SPIDR: variants seen among roughly 807,000 people sequenced by gnomAD.
SPIDR encodes DNA repair-scaffolding protein.
Under a neutral mutation model 104.6 loss-of-function variants are expected in SPIDR, and 93 were observed. That is an observed-to-expected ratio of 0.89 (90% CI 0.75 to 1.06). SPIDR has a LOEUF of 1.06. Among genes scored for constraint, SPIDR ranks in the 50% least tolerant of loss-of-function variants. SPIDR has a pLI of 0.00. For missense variants in SPIDR, 1,154 were observed against 1,111.2 expected (o/e 1.04, Z -0.55); for synonymous variants, 431 against 416.9 (o/e 1.03, Z -0.41).
chr8:47,645,817 G>A (rs764563102), intron 10 of SPIDR, among the ~76,000 whole-genome samples: 14 of 152,108 alleles, frequency 9.2e-5, no homozygotes, highest in East Asian at 7.7e-4. Context: ...AAATGAATTC[G>A]ATTTACACTT....
intron 7 of SPIDR, among the ~76,000 whole-genome samples, chr8:47,436,032 T>C (rs1161376983): frequency 1.3e-5 from 2 of 152,334 alleles, no homozygotes; most frequent in Middle Eastern, 3.4e-3. Flanking sequence ...GTAGGGTTGT[T>C]GTGAATCGAG....
chr8:47,608,786 C>T (rs1403439899), intron 10 of SPIDR, among the ~76,000 whole-genome samples: 3 of 152,328 alleles, frequency 2.0e-5, no homozygotes, highest in Non-Finnish European at 2.9e-5. Flanking sequence ...TGCAGTGGCA[C>T]GATCTCAGCT....
In SPIDR at chr8:47,564,269, G is replaced by A. The variant is rs191578872; in HGVS notation, c.1098-31542G>A. Among the ~76,000 whole-genome samples, 292 of 151,634 alleles carry A rather than the reference G, an allele frequency of 1.9e-3. 1 individual carries two copies. Among genetic ancestry groups the A allele is most frequent in the African/African-American group, 6.6e-3 (272 of 41,434 alleles). ...AATTTTTATATTATTAGTAGAGACC[G>A]GGTTTCGCCATATTGGCCAGGATGG... On this transcript the variant is annotated intron_variant, in intron 8 of 19. Transcript: ENST00000297423.
chr8:47,340,551 G>A (rs952953057), intron 5 of SPIDR, among the ~76,000 whole-genome samples: 6 of 152,270 alleles, frequency 3.9e-5, no homozygotes, highest in African/African-American at 1.4e-4. Flanking sequence ...GCAGTGAGCC[G>A]ACATTGCGCC....
intron 10 of SPIDR, among the ~76,000 whole-genome samples, chr8:47,652,339 G>A (rs2071807326): frequency 6.6e-6 from 1 of 152,120 alleles, no homozygotes; most frequent in Admixed American, 6.6e-5. Flanking sequence ...GCTAGGTGGT[G>A]AGCACTGCAA....
intron 1 of SPIDR, chr8:47,277,103 TTTTTAG>T (rs1417313831): frequency 1.3e-5 from 2 of 151,874 alleles, no homozygotes; most frequent in African/African-American, 4.8e-5. Flanking sequence ...TAATTTTGTA[TTTTTAG>T]TAGAGACGGG....
At chr8:47,520,907 G>T (rs995952237) in intron 8 of SPIDR, among the ~76,000 whole-genome samples, 2 of 152,192 alleles carry the variant, frequency 1.3e-5, no homozygotes, top group African/African-American at 4.8e-5. Context: ...CAGGGATATG[G>T]CTCCAGAACT....
intron 5 of SPIDR, among the ~76,000 whole-genome samples, chr8:47,300,873 T>C: frequency 6.6e-6 from 1 of 152,174 alleles, no homozygotes; most frequent in Non-Finnish European, 1.5e-5. Flanking sequence ...TCCAAATATG[T>C]GGTCAATTTG....
intron 8 of SPIDR, among the ~76,000 whole-genome samples, chr8:47,488,691 T>C (rs1554734454): frequency 6.6e-6 from 1 of 152,072 alleles, no homozygotes; most frequent in Non-Finnish European, 1.5e-5. Context: ...GCAAGGCAGG[T>C]TCAACATACG....
At chr8:47,274,640 C>G (rs911345417) in intron 1 of SPIDR, among the ~76,000 whole-genome samples, 1 of 151,020 alleles carries the variant, frequency 6.6e-6, no homozygotes, top group East Asian at 2.0e-4. Flanking sequence ...TCCAGTTGCG[C>G]GATTTTGGCT....
At chr8:47,440,254 A>T in intron 7 of SPIDR, 69 bp from the exon 8 acceptor site, 1 of 1,380,166 alleles carries the variant, frequency 7.2e-7, no homozygotes, top group Admixed American at 1.9e-5. Context: ...TTTTCATGAC[A>T]CTTTATTCAC....
Position 47,393,673 on chromosome 8 carries a change from TTTTCCTTTCCTTTCCTTTCCTTTCC to T in SPIDR, c.526-2665_526-2641del, listed in dbSNP as rs143995416. Among the ~76,000 whole-genome samples, 276 of 102,502 alleles carry T rather than the reference TTTTCCTTTCCTTTCCTTTCCTTTCC, an allele frequency of 2.7e-3. 3 individuals carry two copies. Among genetic ancestry groups the T allele is most frequent in the Middle Eastern group, 0.014 (3 of 218 alleles). The allele number at this position is 102,502 out of a possible 152,430, so 67.2% of individuals were successfully genotyped here. A position where few individuals can be genotyped will look rare whatever the true frequency, so the allele number is the denominator to read the frequency against. On this transcript the variant is annotated intron_variant, in intron 5 of 19. Coordinates refer to ENST00000297423, the MANE Select transcript of SPIDR (RefSeq NM_001080394.4). Reference sequence around the variant, plus strand: ...TTTTCTCTTTTCTTTTCCCTTTCCTTTTTCCTTTCCTTTCCTTTCCTTTCCTTTCCTTTCCTTTCCTTTCCTTTCC... The same window carrying T: ...TTTTCTCTTTTCTTTTCCCTTTCCTTTTTCCTTTCCTTTCCTTTCCTTTCC...
chr8:47,616,939 T>C (rs1409786176), intron 10 of SPIDR, among the ~76,000 whole-genome samples: 1 of 152,232 alleles, frequency 6.6e-6, no homozygotes, highest in African/African-American at 2.4e-5. Flanking sequence ...CTCCTTAGGC[T>C]CCTGTAGACT....
intron 5 of SPIDR, among the ~76,000 whole-genome samples, chr8:47,363,658 G>C (rs1282616493): frequency 6.6e-6 from 1 of 151,944 alleles, no homozygotes; most frequent in Non-Finnish European, 1.5e-5. Context: ...GTAGTGAACA[G>C]TTATTTATGT....
chr8:47,553,642 C>T (rs931919460), intron 8 of SPIDR, among the ~76,000 whole-genome samples: 11 of 152,156 alleles, frequency 7.2e-5, no homozygotes, highest in South Asian at 2.1e-4. Context: ...GTTAGCCATT[C>T]GTCTAATCTT....
At chr8:47,428,354 A>G in intron 7 of SPIDR, among the ~76,000 whole-genome samples, 1 of 152,254 alleles carries the variant, frequency 6.6e-6, no homozygotes, top group East Asian at 1.9e-4. Flanking sequence ...ATTAAAGCCT[A>G]ACTTGGGGTA....
At chr8:47,650,372 A>T (rs978393100) in intron 10 of SPIDR, among the ~76,000 whole-genome samples, 3 of 152,212 alleles carry the variant, frequency 2.0e-5, no homozygotes, top group African/African-American at 7.2e-5. Flanking sequence ...CAAAAATTAG[A>T]ATAAAATACT....
Position 47,531,094 on chromosome 8 carries a change from G to A in SPIDR, c.1098-64717G>A, listed in dbSNP as rs536722711. 2.6e-5 allele frequency among the ~76,000 whole-genome samples: 4 copies of A among 152,032 alleles called. No individual in the cohort carries two copies. In the South Asian group the frequency reaches 6.2e-4, roughly 24 times the overall value. ...CAGCTATTTTTTAAAAATGTTTCTC[G>A]CTATGTTGCGCAGGTTGGTCCCAAA... On this transcript the variant is annotated intron_variant, in intron 8 of 19. Transcript: ENST00000297423.
At chr8:47,673,778 C>G (rs1441971191) in intron 10 of SPIDR, 23 bp from the exon 11 acceptor site, 3 of 1,613,876 alleles carry the variant, frequency 1.9e-6, no homozygotes, top group Non-Finnish European at 2.5e-6. Context: ...TCCTCAAAGA[C>G]AAATGTGAAT....
Sources: gnomAD v4.1 joint callset for allele counts (sites outside exome capture counted in the v4.1 genomes callset) on GRCh38, gnomAD v4.1.1 for gene constraint, MANE v1.5 for transcripts, NCBI Gene and HGNC (gene_info 2026-07-23, HGNC 2026-07-21) for gene names.